Variants in EXOC2 observed in about 807,000 individuals in gnomAD.
EXOC2 encodes the protein SEC5-like 1.
A neutral mutation model predicts 131.8 loss-of-function variants in EXOC2; 70 were observed. That is an observed-to-expected ratio of 0.53 (90% confidence interval 0.44 to 0.65). The LOEUF is 0.65. EXOC2 is among the 30% of genes least tolerant of loss of function. The probability of loss-of-function intolerance (pLI) is 0.00; values close to 1 mark genes in which losing one functional copy is unlikely to be tolerated. For missense variants in EXOC2, 923 were observed against 1,108.6 expected (o/e 0.83, Z 2.38); for synonymous variants, 411 against 398.4 (o/e 1.03, Z -0.38).
chr6:578,586 G>C (rs1417440674), intron 11 of EXOC2, among the ~76,000 whole-genome samples: 1 of 152,216 alleles, frequency 6.6e-6, no homozygotes, highest in Non-Finnish European at 1.5e-5. Context: ...ATTCTAGCTG[G>C]TAGGTCTTAG....
At chr6:633,834 CTCATACCA>C (rs1045418441) in intron 2 of EXOC2, among the ~76,000 whole-genome samples, 5 of 152,138 alleles carry the variant, frequency 3.3e-5, no homozygotes, top group African/African-American at 1.2e-4. Context: ...TGTCACCTCC[CTCATACCA>C]TGTAAAACAA....
intron 23 of EXOC2, among the ~76,000 whole-genome samples, chr6:508,384 G>A (rs1005663966): frequency 2.0e-5 from 3 of 152,064 alleles, no homozygotes; most frequent in Non-Finnish European, 2.9e-5. Context: ...AATATATAAC[G>A]ACAGGTACCA....
At position 656,578 on chromosome 6, in the gene EXOC2, C is replaced by T. The variant is rs772710009; in HGVS notation, c.-43-18717G>A. On this transcript the variant is annotated intron_variant, in intron 1 of 27. Coordinates refer to ENST00000230449, the MANE Select transcript of EXOC2 (RefSeq NM_018303.6). Reference sequence around the variant, plus strand: ...TCGTGCACCACGCTGCGAGCGCGGCCCAGGGACGAGACCAGCTCCACCGCC... The same window carrying T: ...TCGTGCACCACGCTGCGAGCGCGGCTCAGGGACGAGACCAGCTCCACCGCC... 6 of 1,592,286 alleles carry T rather than the reference C, an allele frequency of 3.8e-6. No individual in the cohort carries two copies. The South Asian group carries it at 6.8e-5, about 18-fold the overall frequency.
At chr6:547,351 T>C (rs1007351343) in intron 22 of EXOC2, among the ~76,000 whole-genome samples, 3 of 152,192 alleles carry the variant, frequency 2.0e-5, no homozygotes, top group African/African-American at 7.2e-5. Flanking sequence ...GAGGAAACAC[T>C]TGGCCTGCCC....
intron 6 of EXOC2, among the ~76,000 whole-genome samples, chr6:616,602 CAAAA>C (rs70985805): frequency 1.4e-5 from 1 of 69,498 alleles, no homozygotes; most frequent in African/African-American, 5.3e-5. Context: ...AACTCCGTCT[CAAAA>C]AAAAAAAAAA....
At chr6:491,698 T>C (rs1763445009) in intron 25 of EXOC2, among the ~76,000 whole-genome samples, 1 of 152,244 alleles carries the variant, frequency 6.6e-6, no homozygotes, top group Admixed American at 6.5e-5. Context: ...CTGCTTTTTT[T>C]TTCCTTAATG....
intron 1 of EXOC2, among the ~76,000 whole-genome samples, chr6:658,667 T>TATATATTTTATATATATATATATATATA (rs1561983437): frequency 7.7e-5 from 5 of 65,196 alleles, no homozygotes; most frequent in Admixed American, 1.8e-4. Flanking sequence ...ATATATATAT[T>TATATATTTTATATATATATATATATATA]TTTTTTTTTT....
At chr6:596,213 T>C (rs2127635615) in intron 10 of EXOC2, among the ~76,000 whole-genome samples, 1 of 151,886 alleles carries the variant, frequency 6.6e-6, no homozygotes, top group East Asian at 1.9e-4. Context: ...CCACTGCCTC[T>C]GCTTGCTTCC....
chr6:511,439 A>G (rs951584117), intron 23 of EXOC2, among the ~76,000 whole-genome samples: 2 of 152,284 alleles, frequency 1.3e-5, no homozygotes, highest in Admixed American at 6.5e-5. Context: ...CTGGGATTTT[A>G]AAGTCCCATT....
chr6:677,248 C>T (rs1057218179), intron 1 of EXOC2, among the ~76,000 whole-genome samples: 12 of 152,014 alleles, frequency 7.9e-5, no homozygotes, highest in Admixed American at 3.9e-4. Flanking sequence ...TTCAACATTA[C>T]GGAAAGGACA....
rs116809868 is a variant in EXOC2 at position 588,023 on chromosome 6, T to C, written c.1192+4446A>G. On this transcript the variant is annotated intron_variant, in intron 11 of 27. Transcript: ENST00000230449. ...TGAGCTGATAAAATGAGATTGGCTATGAGTTGGTAACTGCTGAAGTCAGCG... is the reference window on the plus strand; with the variant it reads ...TGAGCTGATAAAATGAGATTGGCTACGAGTTGGTAACTGCTGAAGTCAGCG... Among the ~76,000 whole-genome samples the C allele has an allele frequency of 2.1e-3, 318 of 152,328 alleles. 1 individual carries two copies. Among genetic ancestry groups the C allele is most frequent in the Non-Finnish European group, 3.7e-3 (249 of 68,018 alleles).
In EXOC2 at chr6:500,635, TA is replaced by T. The variant is rs573359229; in HGVS notation, c.2381-936del. ...ATCATTTTGCAGGAAAAAAACCCCA[TA>T]AAAACAAAATACTGTTTTATTGTGT... On this transcript the variant is annotated intron_variant, in intron 23 of 27. Transcript: ENST00000230449. Among the ~76,000 whole-genome samples the T allele has an allele frequency of 2.6e-4, 39 of 152,272 alleles. No individual in the cohort carries two copies. The South Asian group carries it at 7.7e-3, about 30-fold the overall frequency.
At chr6:650,784 T>C (rs1190274484) in intron 1 of EXOC2, among the ~76,000 whole-genome samples, 1 of 152,202 alleles carries the variant, frequency 6.6e-6, no homozygotes, top group Non-Finnish European at 1.5e-5. Context: ...TTCATTTCTG[T>C]TGGTATTATT....
intron 1 of EXOC2, among the ~76,000 whole-genome samples, chr6:649,975 T>G (rs1471246975): frequency 1.3e-5 from 2 of 152,226 alleles, no homozygotes; most frequent in African/African-American, 4.8e-5. Context: ...TTTTTTAATG[T>G]AAGACTTTAT....
At chr6:529,835 G>A (rs1765971347) in intron 23 of EXOC2, among the ~76,000 whole-genome samples, 1 of 152,176 alleles carries the variant, frequency 6.6e-6, no homozygotes. Context: ...TTAGATGTGT[G>A]AACAGTTAAT....
chr6:617,313 C>T (rs1761064000), intron 6 of EXOC2, among the ~76,000 whole-genome samples: 2 of 152,334 alleles, frequency 1.3e-5, no homozygotes, highest in South Asian at 4.1e-4. Flanking sequence ...GGCGCCTGTG[C>T]GATAAGGGCT....
chr6:502,997 G>A (rs375943256), intron 23 of EXOC2, among the ~76,000 whole-genome samples: 53 of 152,320 alleles, frequency 3.5e-4, no homozygotes, highest in Middle Eastern at 3.4e-3. Context: ...TGGATGCATC[G>A]GAAAGGGCCG....
intron 11 of EXOC2, among the ~76,000 whole-genome samples, chr6:582,648 G>A (rs1758977402): frequency 6.6e-6 from 1 of 151,864 alleles, no homozygotes; most frequent in East Asian, 1.9e-4. Context: ...GGGGTGCGGT[G>A]GGCGTATCAA....
chr6:521,333 G>A (rs1446730250), intron 23 of EXOC2, among the ~76,000 whole-genome samples: 1 of 151,946 alleles, frequency 6.6e-6, no homozygotes, highest in Non-Finnish European at 1.5e-5. Context: ...CACGCACTGA[G>A]TGCCGACAGT....
Sources: allele counts gnomAD v4.1 joint callset (sites outside exome capture counted in the v4.1 genomes callset), GRCh38; gene constraint gnomAD v4.1.1; transcripts MANE v1.5; gene names NCBI Gene and HGNC (gene_info 2026-07-23, HGNC 2026-07-21).